Variants in BMPR1A observed in about 807,000 individuals in gnomAD.
The protein encoded by BMPR1A is bone morphogenetic protein receptor type-1A.
BMPR1A carries 7 observed loss-of-function variants against 66.0 expected under a neutral mutation model. That is an observed-to-expected ratio of 0.11 (90% CI 0.06 to 0.20). The LOEUF (loss-of-function observed/expected upper bound fraction) is 0.20. Among genes scored for constraint, BMPR1A ranks in the 10% least tolerant of loss-of-function variants. The probability of loss-of-function intolerance (pLI) is 1.00; values close to 1 mark genes in which losing one functional copy is unlikely to be tolerated. For synonymous variants in BMPR1A, 200 were observed against 229.7 expected, an observed-to-expected ratio of 0.87 and a Z score of 1.17; for missense variants, 408 against 669.1, an observed-to-expected ratio of 0.61 and a Z score of 4.31.
At chr10:86,889,838 G>C in intron 3 of BMPR1A, 1 of 542,092 alleles carries the variant, frequency 1.8e-6, no homozygotes, top group Non-Finnish European at 3.2e-6. Flanking sequence ...TGCAAAAATT[G>C]TGATATAGCT....
At chr10:86,887,527 C>G (rs1379655970) in intron 3 of BMPR1A, among the ~76,000 whole-genome samples, 1 of 152,038 alleles carries the variant, frequency 6.6e-6, no homozygotes, top group Non-Finnish European at 1.5e-5. Context: ...TACCTATAAC[C>G]TCTTGATTTG....
chr10:86,832,418 T>C (rs1394296363), intron 1 of BMPR1A, among the ~76,000 whole-genome samples: 1 of 151,136 alleles, frequency 6.6e-6, no homozygotes, highest in Admixed American at 6.6e-5. Flanking sequence ...GTGAGCTGAG[T>C]TCGTGCCATT....
intron 2 of BMPR1A, among the ~76,000 whole-genome samples, chr10:86,840,073 G>T (rs1023819659): frequency 6.6e-6 from 1 of 152,156 alleles, no homozygotes; most frequent in African/African-American, 2.4e-5. Flanking sequence ...TCCTAAGACA[G>T]TATGTACAGG....
intron 1 of BMPR1A, among the ~76,000 whole-genome samples, chr10:86,780,984 T>G (rs1284886940): frequency 6.6e-6 from 1 of 152,156 alleles, no homozygotes; most frequent in Non-Finnish European, 1.5e-5. Context: ...ATTACAGGTG[T>G]GAGCCACCGT....
chr10:86,932,622 G>A (rs1843822199), downstream of BMPR1A: 1 of 152,258 alleles, frequency 6.6e-6, no homozygotes. Flanking sequence ...CGCTCCAAGA[G>A]AGCTGAGTAA....
At chr10:86,800,769 G>A (rs17297739) in intron 1 of BMPR1A, among the ~76,000 whole-genome samples, 3 of 152,168 alleles carry the variant, frequency 2.0e-5, no homozygotes, top group African/African-American at 4.8e-5. Flanking sequence ...ATTTATATCT[G>A]TCAAAAGTCC....
intron 1 of BMPR1A, among the ~76,000 whole-genome samples, chr10:86,803,046 G>A (rs1841834904): frequency 7.1e-6 from 1 of 141,066 alleles, no homozygotes; most frequent in East Asian, 2.3e-4. Context: ...TTTTTTTACT[G>A]CATATATTCC....
rs759424209 is a variant in BMPR1A, at chr10:86,884,394, A to ATTTT, written c.68-5634_68-5631dup. 1.9e-3 allele frequency among the ~76,000 whole-genome samples: 93 copies of ATTTT among 49,346 alleles called. 28 individuals carry two copies. The highest frequency in any genetic ancestry group is 2.9e-3 in the Non-Finnish European group (64 of 22,330). 32.4% of individuals were successfully genotyped at this position (49,346 alleles called of 152,430 possible). A position where few individuals can be genotyped will look rare whatever the true frequency, so the allele number is the denominator to read the frequency against. Reference sequence around the variant, plus strand: ...AGCCACCATGCCTGGCAAACACATGATTTTTTTTTTTTTTTTTTTTTTTTT... The same window carrying ATTTT: ...AGCCACCATGCCTGGCAAACACATGATTTTTTTTTTTTTTTTTTTTTTTTTTTTT... On this transcript the variant is annotated intron_variant, in intron 3 of 12. Transcript: ENST00000372037.
intron 10 of BMPR1A, 122 bp from the exon 11 acceptor site, chr10:86,921,397 TA>T: frequency 1.5e-6 from 2 of 1,303,452 alleles, no homozygotes; most frequent in Non-Finnish European, 1.1e-6. Flanking sequence ...TGAAAAATGC[TA>T]AATTCCACAA....
chr10:86,886,622 A>C (rs560387186), intron 3 of BMPR1A, among the ~76,000 whole-genome samples: 1 of 152,280 alleles, frequency 6.6e-6, no homozygotes, highest in East Asian at 1.9e-4. Context: ...AACCATCAAC[A>C]GAGTGGGCGC....
chr10:86,914,838 A>T (rs1416749299), intron 8 of BMPR1A, among the ~76,000 whole-genome samples: 1 of 152,242 alleles, frequency 6.6e-6, no homozygotes, highest in Admixed American at 6.5e-5. Flanking sequence ...CCGTACAATG[A>T]AGCAATCCTT....
At position 86,899,251 on chromosome 10, in the gene BMPR1A, G is replaced by C. The variant is rs145562024; in HGVS notation, c.334-543G>C. Among the ~76,000 whole-genome samples, 10 of 152,304 alleles carry C rather than the reference G, an allele frequency of 6.6e-5. No individual in the cohort carries two copies. In the East Asian group the frequency reaches 1.7e-3, roughly 26 times the overall value. On this transcript the variant is annotated intron_variant, in intron 5 of 12. Transcript: ENST00000372037. ...TCTGTGCTAGCTTTCTGCTCTCTTA[G>C]GGACAGTCTCCTTGCTGGCTGGTGG...
intron 1 of BMPR1A, among the ~76,000 whole-genome samples, chr10:86,822,697 C>T (rs1032837201): frequency 4.0e-5 from 6 of 151,800 alleles, no homozygotes; most frequent in African/African-American, 1.2e-4. Context: ...AGTGCAGTGG[C>T]GCGATCTCGG....
chr10:86,914,700 ATAATAT>A (rs1843539012), intron 8 of BMPR1A, among the ~76,000 whole-genome samples: 2 of 152,240 alleles, frequency 1.3e-5, no homozygotes, highest in Non-Finnish European at 2.9e-5. Context: ...GCTAAGACTG[ATAATAT>A]TAAGTGGTGC....
At chr10:86,848,334 A>G (rs1842514635) in intron 2 of BMPR1A, among the ~76,000 whole-genome samples, 12 of 152,206 alleles carry the variant, frequency 7.9e-5, no homozygotes, top group Admixed American at 7.9e-4. Context: ...TTAACATATG[A>G]AGTATGTAGA....
chr10:86,851,692 C>T (rs553736485), intron 2 of BMPR1A, among the ~76,000 whole-genome samples: 2 of 152,048 alleles, frequency 1.3e-5, no homozygotes, highest in South Asian at 2.1e-4. Context: ...CAAAGAACAA[C>T]GAAGACACAA....
chr10:86,869,654 T>C (rs181300694), intron 2 of BMPR1A, among the ~76,000 whole-genome samples: 1 of 150,844 alleles, frequency 6.6e-6, no homozygotes, highest in Non-Finnish European at 1.5e-5. Context: ...CTACTCGGGA[T>C]GCTGAGGCGG....
At chr10:86,780,647 C>T (rs1841423590) in intron 1 of BMPR1A, among the ~76,000 whole-genome samples, 1 of 151,910 alleles carries the variant, frequency 6.6e-6, no homozygotes, top group South Asian at 2.1e-4. Flanking sequence ...GTTGGTCAGG[C>T]TGGTCTCGAG....
intron 3 of BMPR1A, 44 bp downstream of exon 3, chr10:86,876,129 A>G: frequency 6.5e-7 from 1 of 1,543,246 alleles, no homozygotes. Flanking sequence ...GTATATAAAA[A>G]GCACTATTTC....
Sources: gnomAD v4.1 joint callset for allele counts (sites outside exome capture counted in the v4.1 genomes callset) on GRCh38, gnomAD v4.1.1 for gene constraint, MANE v1.5 for transcripts, NCBI Gene and HGNC (gene_info 2026-07-23, HGNC 2026-07-21) for gene names.